The following LRRC1 variants were observed in gnomAD, a reference collection of about 807,000 sequenced individuals.
LRRC1 encodes the protein leucine rich repeat containing 1.
A neutral mutation model predicts 69.9 loss-of-function variants in LRRC1; 28 were observed. The ratio of observed to expected loss-of-function variants is 0.40; its 90% CI spans 0.30 to 0.55. The LOEUF is 0.55. LRRC1 is among the 20% of genes least tolerant of loss of function. The probability of loss-of-function intolerance (pLI) is 0.47; values close to 1 mark genes in which losing one functional copy is unlikely to be tolerated. For synonymous variants in LRRC1, 236 were observed against 240.2 expected, an observed-to-expected ratio of 0.98 and a Z score of 0.16; for missense variants, 498 against 609.0, an observed-to-expected ratio of 0.82 and a Z score of 1.92.
chr6:53,879,062 C>T lies in LRRC1; in HGVS notation c.347C>T (p.Pro116Leu). The part of the protein sequence containing the change: ...ALQVADFSGN[P>L]LTRLPESFPE... ...CAGGTAGCTGACTTCAGCGGAAACCCACTGACTAGGTAAGCTTTCTGCTTA... is the reference window on the plus strand; with the variant it reads ...CAGGTAGCTGACTTCAGCGGAAACCTACTGACTAGGTAAGCTTTCTGCTTA... Residue 116 changes from proline to leucine, a missense_variant, in exon 3 of 14, where the codon CCA (proline) becomes CTA (leucine). Pro to Leu is a moderately conservative substitution (Grantham distance 98, BLOSUM62 -3). Coordinates refer to ENST00000370888, the MANE Select transcript of LRRC1 (RefSeq NM_018214.5). 6.2e-7 allele frequency: 1 copy of T among 1,611,674 alleles called. No individual in the cohort carries two copies. The highest frequency in any genetic ancestry group is 8.5e-7 in the Non-Finnish European group (1 of 1,178,216).
At chr6:53,869,486 A>G (rs867841065) in intron 2 of LRRC1, among the ~76,000 whole-genome samples, 1 of 152,248 alleles carries the variant, frequency 6.6e-6, no homozygotes, top group Non-Finnish European at 1.5e-5. Flanking sequence ...CAAGCTGTAT[A>G]GTATCTCTTG....
intron 1 of LRRC1, among the ~76,000 whole-genome samples, chr6:53,803,269 C>T (rs1013414458): frequency 3.3e-5 from 5 of 152,146 alleles, no homozygotes; most frequent in Admixed American, 1.3e-4. Context: ...CTTGCTGTGC[C>T]GTGGAATGAG....
At chr6:53,913,778 G>T in intron 10 of LRRC1, 76 bp from the exon 11 acceptor site, 1 of 867,760 alleles carries the variant, frequency 1.2e-6, no homozygotes. Flanking sequence ...ATACTGTTTG[G>T]TAAACAAGGT....
intron 10 of LRRC1, 56 bp from the exon 11 acceptor site, chr6:53,913,798 C>A: frequency 8.7e-7 from 1 of 1,149,468 alleles, no homozygotes; most frequent in South Asian, 1.3e-5. Flanking sequence ...TACTCTGATC[C>A]TACTCCATCT....
intron 1 of LRRC1, among the ~76,000 whole-genome samples, chr6:53,819,257 T>C (rs1765045423): frequency 6.6e-6 from 1 of 152,208 alleles, no homozygotes; most frequent in Admixed American, 6.5e-5. Context: ...GTATCTTTTC[T>C]GGGTTTACAT....
At chr6:53,824,107 A>G (rs1011526186) in intron 1 of LRRC1, among the ~76,000 whole-genome samples, 1 of 150,292 alleles carries the variant, frequency 6.7e-6, no homozygotes. Context: ...ACTCCCACCA[A>G]CAGCGTTTAA....
chr6:53,887,769 G>A (rs1163328925), intron 4 of LRRC1, among the ~76,000 whole-genome samples: 1 of 152,092 alleles, frequency 6.6e-6, no homozygotes, highest in Non-Finnish European at 1.5e-5. Flanking sequence ...AATTTTTAAA[G>A]ACTTATTTAA....
At chr6:53,860,273 A>G (rs562841052) in intron 2 of LRRC1, among the ~76,000 whole-genome samples, 83 of 152,342 alleles carry the variant, frequency 5.4e-4, no homozygotes, top group African/African-American at 1.1e-3. Flanking sequence ...CATTCATTCA[A>G]TGGCAGAGCC....
intron 1 of LRRC1, among the ~76,000 whole-genome samples, chr6:53,804,852 C>T (rs1764593007): frequency 6.6e-6 from 1 of 152,074 alleles, no homozygotes; most frequent in Admixed American, 6.5e-5. Context: ...TGGATGGAGG[C>T]CTAGAGATTA....
At chr6:53,900,833 T>C (rs938665854) in intron 8 of LRRC1, among the ~76,000 whole-genome samples, 1 of 152,222 alleles carries the variant, frequency 6.6e-6, no homozygotes, top group Non-Finnish European at 1.5e-5. Context: ...ACTTTGAAGT[T>C]GAAAGAGACT....
chr6:53,922,611 A>T, intron 13 of LRRC1, 24 bp from the exon 14 acceptor site: 2 of 1,587,638 alleles, frequency 1.3e-6, no homozygotes, highest in Non-Finnish European at 1.7e-6. Context: ...AAACCAAAAC[A>T]CTCACTCCAC....
chr6:53,920,917 G>T, intron 13 of LRRC1, 156 bp downstream of exon 13: 1 of 759,252 alleles, frequency 1.3e-6, no homozygotes, highest in Non-Finnish European at 2.1e-6. Context: ...GGTAATTCTA[G>T]GTACTCACTC....
In LRRC1 at chr6:53,919,477, T is replaced by A. The variant is rs200083989; in HGVS notation, c.1107-21T>A. The A allele has an allele frequency of 6.3e-4, 796 of 1,256,976 alleles. 2 individuals carry two copies. The highest frequency in any genetic ancestry group is 3.7e-3 in the African/African-American group (224 of 60,812). 77.9% of individuals were successfully genotyped at this position (1,256,976 alleles called of 1,614,324 possible). On this transcript the variant is annotated intron_variant, in intron 11 of 13. Coordinates refer to ENST00000370888, the MANE Select transcript of LRRC1 (RefSeq NM_018214.5). ...TTTGAGGTTGTGATGTCTCTTTTTT[T>A]AAAAAAAAAAAAAAAAACAGGTTGC...
chr6:53,888,517 T>C (rs1767568446), intron 4 of LRRC1, among the ~76,000 whole-genome samples: 1 of 152,188 alleles, frequency 6.6e-6, no homozygotes, highest in South Asian at 2.1e-4. Flanking sequence ...AAGATAGCAA[T>C]ACTCGACAAG....
At chr6:53,859,016 C>T (rs6458970) in intron 2 of LRRC1, among the ~76,000 whole-genome samples, 97,182 of 152,036 alleles carry the variant, frequency 0.64, 31,403 homozygotes, top group East Asian at 0.94. Context: ...AAACTTACTA[C>T]GCACTCTCTG....
chr6:53,815,254 A>G (rs908608713), intron 1 of LRRC1, among the ~76,000 whole-genome samples: 1 of 152,092 alleles, frequency 6.6e-6, no homozygotes, highest in South Asian at 2.1e-4. Context: ...CTTTGGGTTG[A>G]ATGGGCCTAG....
At chr6:53,877,030 A>T (rs1424669674) in intron 2 of LRRC1, among the ~76,000 whole-genome samples, 1 of 152,214 alleles carries the variant, frequency 6.6e-6, no homozygotes, top group Non-Finnish European at 1.5e-5. Flanking sequence ...CTTGCCCCTG[A>T]AGCAAACTTT....
intron 7 of LRRC1, among the ~76,000 whole-genome samples, chr6:53,898,201 C>A (rs537187975): frequency 6.6e-6 from 1 of 152,304 alleles, no homozygotes; most frequent in Admixed American, 6.5e-5. Flanking sequence ...TCCATGATGT[C>A]ACCTAATGAC....
chr6:53,835,454 A>C (rs1306680484), intron 1 of LRRC1, among the ~76,000 whole-genome samples: 1 of 152,214 alleles, frequency 6.6e-6, no homozygotes, highest in Non-Finnish European at 1.5e-5. Flanking sequence ...AAGTTAAGTG[A>C]TTCACCCAGA....
Sources: gnomAD v4.1 joint callset for allele counts (sites outside exome capture counted in the v4.1 genomes callset) on GRCh38, gnomAD v4.1.1 for gene constraint, MANE v1.5 for transcripts, NCBI Gene and HGNC (gene_info 2026-07-23, HGNC 2026-07-21) for gene names.